Variants in ATP2B2 observed in about 807,000 individuals in gnomAD.
The protein encoded by ATP2B2 is plasma membrane calcium-transporting ATPase 2.
Under a neutral mutation model 120.0 loss-of-function variants are expected in ATP2B2, and 15 were observed. The ratio of observed to expected loss-of-function variants is 0.12; its 90% CI spans 0.08 to 0.19. ATP2B2 has a LOEUF of 0.19. ATP2B2 is among the 10% of genes least tolerant of loss of function. The probability of loss-of-function intolerance (pLI) is 1.00; values close to 1 mark genes in which losing one functional copy is unlikely to be tolerated. For synonymous variants in ATP2B2, 694 were observed against 700.3 expected (o/e 0.99, Z 0.14); for missense variants, 1,045 against 1,719.8 (o/e 0.61, Z 6.94).
intron 12 of ATP2B2, among the ~76,000 whole-genome samples, chr3:10,363,366 G>C (rs2060955455): frequency 6.6e-6 from 1 of 152,220 alleles, no homozygotes. Flanking sequence ...TATTGTTCCT[G>C]TTTTGAGGGA....
intron 22 of ATP2B2, among the ~76,000 whole-genome samples, chr3:10,333,061 C>A (rs996844963): frequency 3.3e-5 from 5 of 152,138 alleles, no homozygotes; most frequent in Non-Finnish European, 7.4e-5. Flanking sequence ...TCTGCTGAGG[C>A]CTTCATCTTG....
chr3:10,390,485 TGC>T (rs2061813965), intron 5 of ATP2B2, among the ~76,000 whole-genome samples: 1 of 137,766 alleles, frequency 7.3e-6, no homozygotes, highest in South Asian at 2.8e-4. Flanking sequence ...TGTGTGTGTG[TGC>T]GTGCATGCTT....
chr3:10,599,734 G>A (rs909689658), intron 2 of ATP2B2, among the ~76,000 whole-genome samples: 2 of 145,376 alleles, frequency 1.4e-5, no homozygotes, highest in African/African-American at 2.6e-5. Flanking sequence ...CTGAGTACGT[G>A]ATCTGTGCCA....
At chr3:10,398,642 T>C (rs1308387348) in intron 5 of ATP2B2, among the ~76,000 whole-genome samples, 2 of 152,194 alleles carry the variant, frequency 1.3e-5, no homozygotes, top group Non-Finnish European at 2.9e-5. Flanking sequence ...TCCAAGGGCC[T>C]GCAGGCCTCA....
chr3:10,688,651 C>G (rs2071583605), intron 1 of ATP2B2, among the ~76,000 whole-genome samples: 1 of 152,174 alleles, frequency 6.6e-6, no homozygotes, highest in Non-Finnish European at 1.5e-5. Context: ...GAGCAGCCCT[C>G]CACAGTGGTG....
chr3:10,640,830 G>T (rs1203647599), intron 1 of ATP2B2, among the ~76,000 whole-genome samples: 1 of 152,212 alleles, frequency 6.6e-6, no homozygotes, highest in Non-Finnish European at 1.5e-5. Context: ...AAATGTTGTG[G>T]AAAGGAAGGC....
At chr3:10,538,742 A>G (rs1412216291) in intron 2 of ATP2B2, among the ~76,000 whole-genome samples, 1 of 152,216 alleles carries the variant, frequency 6.6e-6, no homozygotes, top group East Asian at 1.9e-4. Flanking sequence ...AATAAGAGCT[A>G]TTTATGACCA....
At chr3:10,330,499 C>T (rs761903223) in intron 22 of ATP2B2, among the ~76,000 whole-genome samples, 4 of 152,252 alleles carry the variant, frequency 2.6e-5, no homozygotes, top group African/African-American at 4.8e-5. Flanking sequence ...CTCCTCCTCT[C>T]GTCCCAGCCC....
At chr3:10,500,373 G>A (rs1430709592) in intron 1 of ATP2B2, among the ~76,000 whole-genome samples, 1 of 152,094 alleles carries the variant, frequency 6.6e-6, no homozygotes, top group Non-Finnish European at 1.5e-5. Flanking sequence ...GACTGCAGTG[G>A]GTTGAACGGT....
intron 2 of ATP2B2, among the ~76,000 whole-genome samples, chr3:10,552,639 T>G (rs2067694407): frequency 6.6e-6 from 1 of 152,226 alleles, no homozygotes; most frequent in African/African-American, 2.4e-5. Flanking sequence ...CTTGTTCTTA[T>G]CTCCTCTTAC....
chr3:10,695,440 G>T (rs559713918), intron 1 of ATP2B2, among the ~76,000 whole-genome samples: 15 of 152,208 alleles, frequency 9.9e-5, no homozygotes, highest in African/African-American at 3.6e-4. Flanking sequence ...AATGAGATTT[G>T]GATGGGGACA....
chr3:10,388,469 AAAT>A, intron 5 of ATP2B2, 67 bp from the exon 6 acceptor site: 1 of 1,612,426 alleles, frequency 6.2e-7, no homozygotes, highest in South Asian at 1.1e-5. Flanking sequence ...AGGAGTGAAA[AAAT>A]GTGGTCTCAG....
intron 1 of ATP2B2, among the ~76,000 whole-genome samples, chr3:10,658,216 G>A (rs540354637): frequency 2.0e-5 from 3 of 152,290 alleles, no homozygotes; most frequent in East Asian, 3.9e-4. Flanking sequence ...ACGCAGCTCC[G>A]CACCAGCAAT....
At chr3:10,479,211 C>T (rs535351001) in intron 1 of ATP2B2, among the ~76,000 whole-genome samples, 1 of 152,254 alleles carries the variant, frequency 6.6e-6, no homozygotes, top group South Asian at 2.1e-4. Context: ...CAGCATCCTC[C>T]TGCCCACTTT....
chr3:10,651,704 A>AATGG (rs59633869), intron 1 of ATP2B2, among the ~76,000 whole-genome samples: 12 of 150,844 alleles, frequency 8.0e-5, no homozygotes, highest in South Asian at 4.2e-4. Context: ...TGGAAGGGTG[A>AATGG]ATGGATGGAT....
At chr3:10,664,783 C>T (rs2125684079) in intron 1 of ATP2B2, among the ~76,000 whole-genome samples, 1 of 152,310 alleles carries the variant, frequency 6.6e-6, no homozygotes, top group East Asian at 1.9e-4. Flanking sequence ...AGAAAGCCAC[C>T]TTTGCCTGAT....
At chr3:10,395,666 C>T (rs2062012822) in intron 5 of ATP2B2, among the ~76,000 whole-genome samples, 1 of 152,220 alleles carries the variant, frequency 6.6e-6, no homozygotes, top group African/African-American at 2.4e-5. Flanking sequence ...AGGCCTAGGT[C>T]AGAGTTTGCA....
intron 12 of ATP2B2, among the ~76,000 whole-genome samples, chr3:10,370,648 GC>G (rs1216061079): frequency 6.6e-6 from 1 of 152,178 alleles, no homozygotes; most frequent in Non-Finnish European, 1.5e-5. Flanking sequence ...GCTCTTTGCT[GC>G]TGACTCACGC....
intron 2 of ATP2B2, among the ~76,000 whole-genome samples, chr3:10,583,947 C>A (rs1165376989): frequency 6.6e-6 from 1 of 152,242 alleles, no homozygotes. Context: ...ACCCTGACAG[C>A]AGCTCCTTGG....
Sources: allele counts gnomAD v4.1 joint callset (sites outside exome capture counted in the v4.1 genomes callset), GRCh38; gene constraint gnomAD v4.1.1; transcripts MANE v1.5; gene names NCBI Gene and HGNC (gene_info 2026-07-23, HGNC 2026-07-21).